The following USP44 variants were observed in gnomAD, a reference collection of about 807,000 sequenced individuals.
USP44 encodes the protein ubiquitin specific peptidase 44.
USP44 carries 61 observed loss-of-function variants against 69.0 expected under a neutral mutation model. That is an observed-to-expected ratio of 0.88 (90% CI 0.72 to 1.09). USP44 has a LOEUF of 1.09. USP44 is among the 50% of genes least tolerant of loss of function. The pLI is 0.00. For missense variants in USP44, 753 were observed against 849.9 expected (o/e 0.89, Z 1.42); for synonymous variants, 297 against 295.4 (o/e 1.01, Z -0.06).
chr12:95,518,098 A>G lies in USP44; in HGVS notation c.*56T>C. The stretch of plus-strand genomic sequence containing the variant: ...AAAATGAAGTTTAAAATGGTACATC[A>G]GTCTTTTAAAAAGTATATATATAAA... On this transcript the variant is annotated 3_prime_UTR_variant, in exon 6 of 6. Transcript: ENST00000258499. 2 of 1,565,086 alleles carry G rather than the reference A, an allele frequency of 1.3e-6. No homozygotes were observed. Among genetic ancestry groups the G allele is most frequent in the Non-Finnish European group, 1.7e-6 (2 of 1,144,442 alleles).
rs1324139852 is a variant in USP44, at chr12:95,528,998, G to A, written c.1433C>T (p.Thr478Ile). The stretch of plus-strand genomic sequence containing the variant: ...TGATTTGTTGTCACATGCAAGACAT[G>A]TAACCTGCAAATGAGAATATGAGTT... ...IFHGQLLSQV[T>I]CLACDNKSNT... Residue 478 changes from threonine (T) to isoleucine (I), a missense_variant, in exon 3 of 6, where the codon ACA becomes ATA. Coordinates refer to ENST00000258499, the MANE Select transcript of USP44 (RefSeq NM_032147.5). 3 of 1,607,818 alleles carry A rather than the reference G, an allele frequency of 1.9e-6. No individual in the cohort carries two copies. The highest frequency in any genetic ancestry group is 2.7e-5 in the African/African-American group (2 of 74,742).
At chr12:95,535,952 C>A (rs780473400) in intron 1 of USP44, among the ~76,000 whole-genome samples, 14 of 151,730 alleles carry the variant, frequency 9.2e-5, no homozygotes, top group Non-Finnish European at 1.6e-4. Context: ...TGTAAAATCT[C>A]ATATTCGTTC....
intron 3 of USP44, among the ~76,000 whole-genome samples, chr12:95,527,687 G>T (rs2076889384): frequency 6.6e-6 from 1 of 151,868 alleles, no homozygotes; most frequent in Non-Finnish European, 1.5e-5. Context: ...GTTTCGCCAT[G>T]TTGGCCAGGC....
At position 95,527,267 on chromosome 12, in the gene USP44, G is replaced by T. The variant is rs181848831; in HGVS notation, c.1624+1540C>A. ...ACGCCACCATGCCCAGCTAATTTTT[G>T]TATTTTTAGTAGAGATGGGGTTTCA... On this transcript the variant is annotated intron_variant, in intron 3 of 5. Transcript: ENST00000258499. Among the ~76,000 whole-genome samples the T allele has an allele frequency of 7.2e-5, 11 of 151,742 alleles. No individual in the cohort carries two copies. The East Asian group carries it at 2.2e-3, about 30-fold the overall frequency.
chr12:95,525,108 G>C (rs1012379564), intron 3 of USP44, among the ~76,000 whole-genome samples: 1 of 152,206 alleles, frequency 6.6e-6, no homozygotes, highest in Admixed American at 6.5e-5. Context: ...ATCTCACTCT[G>C]TTGCCCAGGC....
intron 1 of USP44, among the ~76,000 whole-genome samples, chr12:95,539,392 A>C (rs1191239881): frequency 6.6e-6 from 1 of 151,818 alleles, no homozygotes; most frequent in African/African-American, 2.4e-5. Context: ...CACCCAGCTA[A>C]TTTTTCTGTA....
At chr12:95,525,233 G>A (rs546776363) in intron 3 of USP44, among the ~76,000 whole-genome samples, 17 of 152,100 alleles carry the variant, frequency 1.1e-4, no homozygotes, top group Non-Finnish European at 2.2e-4. Context: ...CACCATGCCC[G>A]GCTAATTTTT....
chr12:95,524,727 C>T lies in USP44; in HGVS notation c.1686G>A (p.Met562Ile). ...TGAGAACCTGAGGTAGGTGGCATAT[C>T]ATAAGTTGTTTCTGGGCTTCTGTGA... ...VVLTEAQKQL[M>I]ICHLPQVLRL... The change falls in exon 4 of 6, where the codon ATG becomes ATA. Residue 562 changes from methionine to isoleucine, a missense_variant. Coordinates refer to ENST00000258499, the MANE Select transcript of USP44 (RefSeq NM_032147.5). The T allele has an allele frequency of 6.2e-7, 1 of 1,612,524 alleles. No individual in the cohort carries two copies. The highest frequency in any genetic ancestry group is 1.7e-5 in the Admixed American group (1 of 59,714).
At position 95,543,012 on chromosome 12, in the gene USP44, C is replaced by T. The variant is rs1385668549; in HGVS notation, c.-71+8260G>A. ...CTGAGGCAGGAGAATGGCGTGAACC[C>T]GGGAGGCGGAGCTTGCAGTAAGCCT... On this transcript the variant is annotated intron_variant, in intron 1 of 5. Transcript: ENST00000258499. Among the ~76,000 whole-genome samples, 15 of 149,592 alleles carry T rather than the reference C, an allele frequency of 1.0e-4. No homozygotes were observed. In the East Asian group the frequency reaches 2.2e-3, roughly 22 times the overall value.
chr12:95,527,898 G>A (rs1156990062), intron 3 of USP44, among the ~76,000 whole-genome samples: 3 of 148,146 alleles, frequency 2.0e-5, no homozygotes, highest in Admixed American at 6.8e-5. Context: ...GAGTGCAGTG[G>A]CACAATCTCA....
chr12:95,533,775 A>G lies in USP44; in HGVS notation c.482T>C (p.Ile161Thr). The G allele has an allele frequency of 6.2e-7, 1 of 1,614,016 alleles. No individual in the cohort carries two copies. Among genetic ancestry groups the G allele is most frequent in the South Asian group, 1.1e-5 (1 of 91,066 alleles). ...TGATTGTTCAAACCATGTTCGAAAG[A>G]TTTTACCCATTAGTATCCTTCTCCT... Reference protein sequence around the residue: ...WHRRRILMGKIFRTWFEQSPI... With the variant: ...WHRRRILMGKTFRTWFEQSPI... The change falls in exon 2 of 6, where the codon ATC becomes ACC. Residue 161 changes from isoleucine to threonine, a missense_variant. By Grantham distance (89) the Ile-to-Thr change is moderately conservative. Coordinates refer to ENST00000258499, the MANE Select transcript of USP44 (RefSeq NM_032147.5).
chr12:95,532,946 A>T lies in USP44; in HGVS notation c.1311T>A (p.Arg437=). 6.2e-7 allele frequency: 1 copy of T among 1,614,190 alleles called. No homozygotes were observed. The highest frequency in any genetic ancestry group is 8.5e-7 in the Non-Finnish European group (1 of 1,180,034). ...FLCELLDKIQ[R]ELETTGTSLP... is the part of the protein sequence containing the mutation. ...AACTGGTACCAGTTGTCTCTAATTC[A>T]CGTTGTATTTTATCTAAAAGTTCAC... The change falls in exon 2 of 6, where the codon CGT becomes CGA. Residue 437 remains arginine (R), a synonymous_variant. Transcript: ENST00000258499.
chr12:95,525,186 C>T (rs2076796564), intron 3 of USP44, among the ~76,000 whole-genome samples: 2 of 152,210 alleles, frequency 1.3e-5, no homozygotes, highest in African/African-American at 4.8e-5. Context: ...ATTCTCCTGC[C>T]TCAGCCTCCC....
intron 1 of USP44, among the ~76,000 whole-genome samples, chr12:95,540,850 G>C (rs2077363083): frequency 6.6e-6 from 1 of 152,044 alleles, no homozygotes; most frequent in Non-Finnish European, 1.5e-5. Context: ...TTTGCTCTGA[G>C]CCTTTAACTC....
At chr12:95,538,450 T>C (rs1410929895) in intron 1 of USP44, among the ~76,000 whole-genome samples, 5 of 152,068 alleles carry the variant, frequency 3.3e-5, no homozygotes, top group Admixed American at 2.6e-4. Context: ...CTCAGCCAAA[T>C]GTGTACTAAG....
chr12:95,551,362 G>C lies in USP44; in HGVS notation c.-161C>G, dbSNP rs1472425980. The C allele has an allele frequency of 1.3e-5, 2 of 152,490 alleles. No individual in the cohort carries two copies. Among genetic ancestry groups the C allele is most frequent in the Non-Finnish European group, 2.9e-5 (2 of 68,046 alleles). 9.4% of individuals were successfully genotyped at this position (152,490 alleles called of 1,614,324 possible). On this transcript the variant is annotated 5_prime_UTR_variant, in exon 1 of 6. Transcript: ENST00000258499. ...GCAGGATCGCCCAGTTTCCATCAGGGCAAATGCTGATCTCCTAAGTGAAAA... is the reference window on the plus strand; with the variant it reads ...GCAGGATCGCCCAGTTTCCATCAGGCCAAATGCTGATCTCCTAAGTGAAAA...
chr12:95,543,164 G>A (rs1400634691), intron 1 of USP44, among the ~76,000 whole-genome samples: 2 of 151,772 alleles, frequency 1.3e-5, no homozygotes, highest in Non-Finnish European at 2.9e-5. Flanking sequence ...ACTTTGGGAG[G>A]CTGAGGCAGG....
intron 1 of USP44, among the ~76,000 whole-genome samples, chr12:95,539,909 T>A (rs1212996584): frequency 6.6e-6 from 1 of 152,192 alleles, no homozygotes; most frequent in Non-Finnish European, 1.5e-5. Flanking sequence ...TCACAGGTAA[T>A]ATATTTAACT....
rs2076484873 is a variant in USP44, at chr12:95,516,842, C to T, written c.*1312G>A. 1 of 149,248 alleles carries T rather than the reference C, an allele frequency of 6.7e-6. No homozygotes were observed. Among genetic ancestry groups the T allele is most frequent in the African/African-American group, 2.5e-5 (1 of 40,302 alleles). The allele number at this position is 149,248 out of a possible 1,614,324, so 9.2% of individuals were successfully genotyped here. On this transcript the variant is annotated 3_prime_UTR_variant, in exon 6 of 6. Coordinates refer to ENST00000258499, the MANE Select transcript of USP44 (RefSeq NM_032147.5). ...ATCACTAGTGGTGAACAGCATTCTACAGGATACTATCTTTCACTAAGACTT... is the reference window on the plus strand; with the variant it reads ...ATCACTAGTGGTGAACAGCATTCTATAGGATACTATCTTTCACTAAGACTT...
Sources: gnomAD v4.1 joint callset for allele counts (sites outside exome capture counted in the v4.1 genomes callset) on GRCh38, gnomAD v4.1.1 for gene constraint, MANE v1.5 for transcripts, NCBI Gene and HGNC (gene_info 2026-07-23, HGNC 2026-07-21) for gene names.